The following SPHKAP variants were observed in gnomAD, a reference collection of about 807,000 sequenced individuals.
SPHKAP encodes A-kinase anchor protein SPHKAP.
Under a neutral mutation model 137.5 loss-of-function variants are expected in SPHKAP, and 67 were observed. The observed-to-expected ratio is 0.49, with a 90% CI of 0.40 to 0.60. The LOEUF is 0.60. Ranked by LOEUF, SPHKAP falls within the 20% of genes least tolerant of loss-of-function variation. The probability of loss-of-function intolerance (pLI) is 0.00; values close to 1 mark genes in which losing one functional copy is unlikely to be tolerated. For synonymous variants in SPHKAP, 813 were observed against 785.3 expected, an observed-to-expected ratio of 1.04 and a Z score of -0.59; for missense variants, 2,097 against 2,069.3, an observed-to-expected ratio of 1.01 and a Z score of -0.26.
intron 3 of SPHKAP, among the ~76,000 whole-genome samples, chr2:228,062,536 G>A (rs1289953593): frequency 6.6e-6 from 1 of 151,604 alleles, no homozygotes; most frequent in Non-Finnish European, 1.5e-5. Context: ...CTTTGTCATT[G>A]TTCTTGAACA....
At chr2:228,013,231 C>T (rs1196109053) in intron 7 of SPHKAP, among the ~76,000 whole-genome samples, 1 of 152,140 alleles carries the variant, frequency 6.6e-6, no homozygotes, top group African/African-American at 2.4e-5. Context: ...TTAATAAAAT[C>T]TTCACAGTGT....
chr2:228,091,371 A>G (rs572876511), intron 3 of SPHKAP, among the ~76,000 whole-genome samples: 2 of 152,330 alleles, frequency 1.3e-5, no homozygotes, highest in South Asian at 4.1e-4. Context: ...AGACCTCATG[A>G]CCAACAACCC....
chr2:228,034,754 A>C (rs1036640342), intron 3 of SPHKAP, among the ~76,000 whole-genome samples: 1 of 152,264 alleles, frequency 6.6e-6, no homozygotes, highest in Non-Finnish European at 1.5e-5. Flanking sequence ...ATAATCCAGC[A>C]TATAAACAGA....
chr2:227,986,584 TAA>T (rs751170525), intron 11 of SPHKAP, among the ~76,000 whole-genome samples: 1 of 152,270 alleles, frequency 6.6e-6, no homozygotes, highest in East Asian at 1.9e-4. Context: ...AAAAATTTGT[TAA>T]AGTCAATACC....
At chr2:228,070,041 T>C (rs781770793) in intron 3 of SPHKAP, among the ~76,000 whole-genome samples, 36 of 152,290 alleles carry the variant, frequency 2.4e-4, no homozygotes, top group Non-Finnish European at 4.9e-4. Flanking sequence ...CCATTTCAAC[T>C]TCTAAAGGAA....
intron 1 of SPHKAP, among the ~76,000 whole-genome samples, chr2:228,136,414 A>G (rs985420496): frequency 6.6e-6 from 1 of 152,232 alleles, no homozygotes; most frequent in Admixed American, 6.5e-5. Context: ...TTTATAGAAC[A>G]ATTTCATATA....
At chr2:228,004,022 C>CT (rs1407941281) in intron 7 of SPHKAP, among the ~76,000 whole-genome samples, 3 of 152,154 alleles carry the variant, frequency 2.0e-5, no homozygotes, top group Non-Finnish European at 4.4e-5. Context: ...CTAAAATTCT[C>CT]TTTTTTCATT....
At chr2:228,084,761 T>C (rs972413362) in intron 3 of SPHKAP, among the ~76,000 whole-genome samples, 1 of 152,228 alleles carries the variant, frequency 6.6e-6, no homozygotes, top group African/African-American at 2.4e-5. Flanking sequence ...CCTTGTTCTT[T>C]AGATCAAAGG....
At chr2:228,089,456 T>C (rs1697648986) in intron 3 of SPHKAP, among the ~76,000 whole-genome samples, 1 of 152,156 alleles carries the variant, frequency 6.6e-6, no homozygotes, top group African/African-American at 2.4e-5. Flanking sequence ...AGCAGAAAAG[T>C]TTGGAAAATT....
At chr2:228,059,298 C>A (rs1696554241) in intron 3 of SPHKAP, among the ~76,000 whole-genome samples, 1 of 152,214 alleles carries the variant, frequency 6.6e-6, no homozygotes, top group Non-Finnish European at 1.5e-5. Flanking sequence ...AGTACATATT[C>A]AACTTCTAAG....
chr2:227,996,445 A>C (rs1693643134), intron 7 of SPHKAP, among the ~76,000 whole-genome samples: 1 of 151,860 alleles, frequency 6.6e-6, no homozygotes, highest in Non-Finnish European at 1.5e-5. Context: ...CTTGCCTGGA[A>C]CCCAGTTGTC....
rs141118226 is a variant in SPHKAP at position 228,081,931 on chromosome 2, A to T, written c.246+26901T>A. On this transcript the variant is annotated intron_variant, in intron 3 of 11. Transcript: ENST00000392056. Reference sequence around the variant, plus strand: ...TCGTATTCCTGAAAATTGCTAAGAAAGTAAATTTCAAGAGTTCTCACTACC... The same window carrying T: ...TCGTATTCCTGAAAATTGCTAAGAATGTAAATTTCAAGAGTTCTCACTACC... Among the ~76,000 whole-genome samples, 613 of 152,308 alleles carry T rather than the reference A, an allele frequency of 4.0e-3. 6 individuals carry two copies. Among genetic ancestry groups the T allele is most frequent in the African/African-American group, 0.014 (583 of 41,560 alleles).
intron 3 of SPHKAP, among the ~76,000 whole-genome samples, chr2:228,071,650 G>A (rs1697009472): frequency 6.6e-6 from 1 of 151,406 alleles, no homozygotes; most frequent in South Asian, 2.1e-4. Flanking sequence ...TTGTCTGGTG[G>A]TATAGCTGCA....
intron 11 of SPHKAP, chr2:227,982,392 G>T (rs1289414525): frequency 1.0e-6 from 1 of 982,970 alleles, no homozygotes; most frequent in South Asian, 4.7e-5. Flanking sequence ...AGAAAGCCTG[G>T]CTTTCCACAG....
At chr2:228,120,141 G>C (rs1293402857) in intron 2 of SPHKAP, among the ~76,000 whole-genome samples, 2 of 152,254 alleles carry the variant, frequency 1.3e-5, no homozygotes, top group Non-Finnish European at 2.9e-5. Context: ...ATGGTTATTA[G>C]TGAGCCTACC....
At chr2:228,030,548 A>AT (rs1559357020) in intron 3 of SPHKAP, among the ~76,000 whole-genome samples, 2 of 103,268 alleles carry the variant, frequency 1.9e-5, no homozygotes, top group African/African-American at 4.1e-5. Flanking sequence ...AAAAACAAAA[A>AT]AAAAAAAATA....
chr2:228,124,673 G>A (rs1217026540), intron 2 of SPHKAP, among the ~76,000 whole-genome samples: 1 of 151,970 alleles, frequency 6.6e-6, no homozygotes, highest in Non-Finnish European at 1.5e-5. Flanking sequence ...CATGGCACAT[G>A]TATACATATG....
chr2:228,175,345 A>T (rs1401305705), intron 1 of SPHKAP, among the ~76,000 whole-genome samples: 1 of 152,150 alleles, frequency 6.6e-6, no homozygotes, highest in East Asian at 1.9e-4. Context: ...TTTAAAGCAA[A>T]ATATATAGTG....
intron 3 of SPHKAP, among the ~76,000 whole-genome samples, chr2:228,035,078 A>G (rs1187906358): frequency 4.0e-5 from 6 of 148,978 alleles, no homozygotes; most frequent in Admixed American, 6.7e-5. Flanking sequence ...TTAGGAAAAG[A>G]GGAAGTCAAA....
Sources: allele counts gnomAD v4.1 joint callset (sites outside exome capture counted in the v4.1 genomes callset), GRCh38; gene constraint gnomAD v4.1.1; transcripts MANE v1.5; gene names NCBI Gene and HGNC (gene_info 2026-07-23, HGNC 2026-07-21).